Variants in ACSS2 observed in about 807,000 individuals in gnomAD.
ACSS2 encodes acetyl-coenzyme A synthetase, cytoplasmic.
A neutral mutation model predicts 90.6 loss-of-function variants in ACSS2; 58 were observed. The observed-to-expected ratio is 0.64, with a 90% CI of 0.52 to 0.80. The LOEUF is 0.80. ACSS2 is among the 30% of genes least tolerant of loss of function. The pLI is 0.00. For missense variants in ACSS2, 759 were observed against 912.0 expected, an observed-to-expected ratio of 0.83 and a Z score of 2.16; for synonymous variants, 300 against 330.9, an observed-to-expected ratio of 0.91 and a Z score of 1.01.
chr20:34,903,261 G>C (rs1333668304), intron 2 of ACSS2, among the ~76,000 whole-genome samples: 11 of 151,064 alleles, frequency 7.3e-5, no homozygotes, highest in Admixed American at 5.9e-4. Flanking sequence ...AGAATCATTT[G>C]AACCCGGCAG....
intron 1 of ACSS2, among the ~76,000 whole-genome samples, chr20:34,877,962 G>A (rs1481003138): frequency 1.8e-5 from 2 of 112,616 alleles, no homozygotes; most frequent in East Asian, 4.8e-4. Context: ...GAGACAAGGT[G>A]TTGCTCTGTC....
chr20:34,876,713 G>A lies in ACSS2; in HGVS notation c.68G>A (p.Gly23Glu). The change falls in exon 1 of 18, where the codon GGA becomes GAA. Residue 23 changes from glycine to glutamate, a missense_variant. Coordinates refer to ENST00000360596, the MANE Select transcript of ACSS2 (RefSeq NM_018677.4). ...CGGGGCCAGGAGGAAGCTGGAGCCGGAGGCCGGGCGCGGAGTTGGTCTCCG... is the reference window on the plus strand; with the variant it reads ...CGGGGCCAGGAGGAAGCTGGAGCCGAAGGCCGGGCGCGGAGTTGGTCTCCG... ...GSRGQEEAGA[G>E]GRARSWSPPP... 1 of 1,445,020 alleles carries A rather than the reference G, an allele frequency of 6.9e-7. No individual in the cohort carries two copies. Among genetic ancestry groups the A allele is most frequent in the Admixed American group, 2.6e-5 (1 of 38,540 alleles). The allele number at this position is 1,445,020 out of a possible 1,614,324, so 89.5% of individuals were successfully genotyped here. A position where few individuals can be genotyped will look rare whatever the true frequency, so the allele number is the denominator to read the frequency against.
At chr20:34,876,948 G>A (rs1032524485) in intron 1 of ACSS2, 125 bp downstream of exon 1, 3 of 583,104 alleles carry the variant, frequency 5.1e-6, no homozygotes, top group Non-Finnish European at 5.1e-6. Flanking sequence ...TGTGAAGGAA[G>A]AATTGCGGTT....
intron 2 of ACSS2, among the ~76,000 whole-genome samples, chr20:34,892,449 T>C (rs551048650): frequency 6.6e-6 from 1 of 152,286 alleles, no homozygotes; most frequent in Non-Finnish European, 1.5e-5. Context: ...AATCAGGAAT[T>C]GTAGTACCAA....
chr20:34,877,519 AATGTATGAG>A (rs2079945893), intron 1 of ACSS2, among the ~76,000 whole-genome samples: 2 of 152,078 alleles, frequency 1.3e-5, no homozygotes, highest in Admixed American at 1.3e-4. Context: ...TGTCTGTTAA[AATGTATGAG>A]GAAAATCGGC....
At chr20:34,920,780 G>C in intron 9 of ACSS2, 71 bp downstream of exon 9, 1 of 1,542,398 alleles carries the variant, frequency 6.5e-7, no homozygotes. Context: ...TCCCAAGGCT[G>C]CTTGGTCTAG....
At chr20:34,917,987 C>T (rs763336847) in intron 7 of ACSS2, among the ~76,000 whole-genome samples, 1 of 152,070 alleles carries the variant, frequency 6.6e-6, no homozygotes, top group African/African-American at 2.4e-5. Context: ...TCACTCCTCA[C>T]CTCAGGTGAT....
At chr20:34,879,107 T>G (rs533966010) in intron 1 of ACSS2, among the ~76,000 whole-genome samples, 2 of 151,930 alleles carry the variant, frequency 1.3e-5, no homozygotes, top group Admixed American at 1.3e-4. Flanking sequence ...GCTTTCACCG[T>G]GTTAGCCAGG....
At chr20:34,886,814 T>G (rs2080206264) in intron 2 of ACSS2, among the ~76,000 whole-genome samples, 1 of 152,206 alleles carries the variant, frequency 6.6e-6, no homozygotes, top group Non-Finnish European at 1.5e-5. Context: ...AAATGACATC[T>G]TTTCTGTGAT....
intron 7 of ACSS2, among the ~76,000 whole-genome samples, chr20:34,918,468 C>G (rs1390591365): frequency 2.6e-5 from 4 of 152,190 alleles, no homozygotes. Context: ...TTCAGGATGA[C>G]AGATCCAGAA....
chr20:34,912,948 A>G lies in ACSS2; in HGVS notation c.375-148A>G, dbSNP rs557604827. 3 of 701,204 alleles carry G rather than the reference A, an allele frequency of 4.3e-6. No homozygotes were observed. The South Asian group carries it at 5.0e-5, about 12-fold the overall frequency. The allele number at this position is 701,204 out of a possible 1,614,324, so 43.4% of individuals were successfully genotyped here. A position where few individuals can be genotyped will look rare whatever the true frequency, so the allele number is the denominator to read the frequency against. ...CTGACCCGTCAGCTCAAGATTGGTG[A>G]TGGCAAGATTGATGGTGGGCAGATA... is the stretch of plus-strand genomic sequence containing the variant. On this transcript the variant is annotated intron_variant, in intron 2 of 17. Coordinates refer to ENST00000360596, the MANE Select transcript of ACSS2 (RefSeq NM_018677.4).
At chr20:34,906,363 A>G (rs922709753) in intron 2 of ACSS2, among the ~76,000 whole-genome samples, 3 of 150,664 alleles carry the variant, frequency 2.0e-5, no homozygotes, top group African/African-American at 7.3e-5. Flanking sequence ...GAGTTCTGAT[A>G]TCCTAGAGGG....
At chr20:34,919,594 TG>T in intron 8 of ACSS2, 22 bp downstream of exon 8, 1 of 1,564,128 alleles carries the variant, frequency 6.4e-7, no homozygotes, top group South Asian at 1.1e-5. Flanking sequence ...TGTGTGTGTG[TG>T]TGTGTGTGTG....
intron 2 of ACSS2, among the ~76,000 whole-genome samples, chr20:34,910,051 C>G (rs1398502432): frequency 2.1e-5 from 3 of 140,828 alleles, no homozygotes; most frequent in Admixed American, 7.4e-5. Flanking sequence ...AACAGAGTTT[C>G]ACTCTTGTCG....
chr20:34,885,156 C>T (rs1266046173), intron 2 of ACSS2, among the ~76,000 whole-genome samples: 1 of 151,284 alleles, frequency 6.6e-6, no homozygotes, highest in Non-Finnish European at 1.5e-5. Context: ...GCACAGATCA[C>T]ACCACTGTAC....
upstream of ACSS2, among the ~76,000 whole-genome samples, chr20:34,875,601 G>A (rs1227165581): frequency 6.6e-6 from 1 of 152,148 alleles, no homozygotes; most frequent in African/African-American, 2.4e-5. Flanking sequence ...AAAAGAGAAT[G>A]TGAATGATTT....
chr20:34,902,963 G>A (rs951737461), intron 2 of ACSS2, among the ~76,000 whole-genome samples: 8 of 150,550 alleles, frequency 5.3e-5, no homozygotes, highest in Non-Finnish European at 1.2e-4. Context: ...GAACTCTTGG[G>A]CTCAAGCAAT....
rs1600369115 is a variant in ACSS2 at position 34,926,138 on chromosome 20, C to T, written c.1760C>T (p.Ala587Val). 6.2e-7 allele frequency: 1 copy of T among 1,614,220 alleles called. No individual in the cohort carries two copies. The highest frequency in any genetic ancestry group is 8.5e-7 in the Non-Finnish European group (1 of 1,180,030). ...HLLSTAEVES[A>V]LVEHEAVAEA... ...CTGAGTACAGCAGAGGTGGAGTCAG[C>T]ACTTGTGGAACATGAGGCTGTTGCA... is the stretch of plus-strand genomic sequence containing the variant. Residue 587 changes from alanine to valine, a missense_variant, in exon 16 of 18, where the codon GCA (alanine) becomes GTA (valine). Ala to Val is a moderately conservative substitution (Grantham distance 64). Transcript: ENST00000360596.
intron 9 of ACSS2, 121 bp downstream of exon 9, chr20:34,920,830 A>G (rs2081180302): frequency 1.4e-6 from 2 of 1,464,766 alleles, no homozygotes; most frequent in Non-Finnish European, 1.9e-6. Context: ...TTCTGGAGAA[A>G]GAGAAGTCCT....
Sources: gnomAD v4.1 joint callset for allele counts (sites outside exome capture counted in the v4.1 genomes callset) on GRCh38, gnomAD v4.1.1 for gene constraint, MANE v1.5 for transcripts, NCBI Gene and HGNC (gene_info 2026-07-23, HGNC 2026-07-21) for gene names.